The following STIM2 variants were observed in gnomAD, a reference collection of about 807,000 sequenced individuals.
STIM2 encodes stromal interaction molecule 2.
STIM2 carries 31 observed loss-of-function variants against 85.8 expected under a neutral mutation model. The observed-to-expected ratio is 0.36, with a 90% CI of 0.27 to 0.49. STIM2 has a LOEUF of 0.49. STIM2 is among the 20% of genes least tolerant of loss of function. STIM2 has a pLI of 0.98. For missense variants in STIM2, 841 were observed against 927.6 expected, an observed-to-expected ratio of 0.91 and a Z score of 1.21; for synonymous variants, 356 against 331.1, an observed-to-expected ratio of 1.08 and a Z score of -0.82.
In STIM2 at chr4:27,003,165, A is replaced by G. The variant is rs536162533; in HGVS notation, c.981+61A>G. ...GTTAACATTGCCACTCTGAGGAGCCAGGTCCTGTTTTTCTTCAGTTTCCTA... is the reference window on the plus strand; with the variant it reads ...GTTAACATTGCCACTCTGAGGAGCCGGGTCCTGTTTTTCTTCAGTTTCCTA... On this transcript the variant is annotated intron_variant, in intron 7 of 11. Transcript: ENST00000467087. 1,489 of 1,480,658 alleles carry G rather than the reference A, an allele frequency of 1.0e-3. 1 individual carries two copies. The highest frequency in any genetic ancestry group is 1.3e-3 in the South Asian group (91 of 71,304). 91.7% of individuals were successfully genotyped at this position (1,480,658 alleles called of 1,614,324 possible). A position where few individuals can be genotyped will look rare whatever the true frequency, so the allele number is the denominator to read the frequency against.
chr4:27,011,075 A>G (rs910515413), intron 10 of STIM2, among the ~76,000 whole-genome samples: 1 of 152,194 alleles, frequency 6.6e-6, no homozygotes, highest in African/African-American at 2.4e-5. Flanking sequence ...TTTCTCTGAA[A>G]TAAACTATTA....
intron 1 of STIM2, among the ~76,000 whole-genome samples, chr4:26,863,711 G>A (rs775544406): frequency 2.6e-5 from 4 of 152,092 alleles, no homozygotes; most frequent in Non-Finnish European, 4.4e-5. Context: ...AGATGGAGTA[G>A]AGCATCAGTA....
intron 1 of STIM2, among the ~76,000 whole-genome samples, chr4:26,877,507 C>T (rs186915968): frequency 9.4e-5 from 14 of 149,326 alleles, no homozygotes; most frequent in African/African-American, 3.0e-4. Flanking sequence ...TATCTCTTGA[C>T]GATGGGTTGT....
At chr4:26,961,365 T>G (rs953678533) in intron 3 of STIM2, among the ~76,000 whole-genome samples, 2 of 152,220 alleles carry the variant, frequency 1.3e-5, no homozygotes, top group Non-Finnish European at 2.9e-5. Flanking sequence ...ATACCATGTT[T>G]GGAAAAGTCA....
At chr4:26,938,864 C>G (rs1312208022) in intron 2 of STIM2, among the ~76,000 whole-genome samples, 1 of 152,112 alleles carries the variant, frequency 6.6e-6, no homozygotes, top group East Asian at 1.9e-4. Flanking sequence ...TCCAACTGTT[C>G]CAACTACTGT....
intron 7 of STIM2, among the ~76,000 whole-genome samples, chr4:27,006,755 T>C (rs1286443161): frequency 6.6e-6 from 1 of 152,210 alleles, no homozygotes; most frequent in Non-Finnish European, 1.5e-5. Context: ...AGAAATACTA[T>C]GACATCGTTA....
Position 26,973,749 on chromosome 4 carries a change from T to G in STIM2, c.397+16023T>G, listed in dbSNP as rs551229160. Among the ~76,000 whole-genome samples the G allele has an allele frequency of 6.6e-5, 10 of 152,318 alleles. No individual in the cohort carries two copies. In the East Asian group the frequency reaches 1.9e-3, roughly 29 times the overall value. ...GCTGGAGAGTTCTGTAGATGTCTATTAGGTCCGCTTGGTGCAGAGCTGAGT... is the reference window on the plus strand; with the variant it reads ...GCTGGAGAGTTCTGTAGATGTCTATGAGGTCCGCTTGGTGCAGAGCTGAGT... On this transcript the variant is annotated intron_variant, in intron 3 of 11. Transcript: ENST00000467087.
In STIM2 at chr4:26,933,902, G is replaced by A. The variant is rs543466269; in HGVS notation, c.282+14268G>A. Among the ~76,000 whole-genome samples the A allele has an allele frequency of 3.9e-5, 6 of 151,976 alleles. No individual in the cohort carries two copies. The South Asian group carries it at 6.2e-4, about 16-fold the overall frequency. On this transcript the variant is annotated intron_variant, in intron 2 of 11. Transcript: ENST00000467087. The stretch of plus-strand genomic sequence containing the variant: ...AATGTTACATGTTTTTAAAATACCC[G>A]CAAAAATACGGCTGGGTGCATTGGC...
In STIM2 at chr4:27,025,014, G is replaced by GC. The variant is rs963043757; in HGVS notation, c.*2019dup. On this transcript the variant is annotated 3_prime_UTR_variant, in exon 12 of 12. Coordinates refer to ENST00000467087, the MANE Select transcript of STIM2 (RefSeq NM_020860.4). ...AGAAGGGAGCTCTGGAGCAGGACCAGCTGGGGGCCGGCACTGCTGCTTAGA... is the reference window on the plus strand; with the variant it reads ...AGAAGGGAGCTCTGGAGCAGGACCAGCCTGGGGGCCGGCACTGCTGCTTAGA... 7.9e-5 allele frequency: 12 copies of GC among 152,202 alleles called. No homozygotes were observed. The highest frequency in any genetic ancestry group is 2.9e-4 in the African/African-American group (12 of 41,432). The allele number at this position is 152,202 out of a possible 1,614,324, so 9.4% of individuals were successfully genotyped here.
At chr4:26,879,024 C>CT (rs1418495460) in intron 1 of STIM2, among the ~76,000 whole-genome samples, 1 of 152,160 alleles carries the variant, frequency 6.6e-6, no homozygotes, top group Non-Finnish European at 1.5e-5. Context: ...TTATCACCAT[C>CT]TAACTTTTGA....
intron 1 of STIM2, among the ~76,000 whole-genome samples, chr4:26,866,106 C>G (rs1722400062): frequency 6.6e-6 from 1 of 152,026 alleles, no homozygotes; most frequent in Admixed American, 6.6e-5. Context: ...ATTTTAGTTA[C>G]CAACGATCTT....
intron 2 of STIM2, among the ~76,000 whole-genome samples, chr4:26,939,809 G>A (rs978536576): frequency 2.6e-5 from 4 of 152,080 alleles, no homozygotes; most frequent in Non-Finnish European, 5.9e-5. Context: ...TGAAGTTCTC[G>A]TTTATATATT....
chr4:26,908,587 G>A (rs1341473078), intron 1 of STIM2, among the ~76,000 whole-genome samples: 2 of 152,180 alleles, frequency 1.3e-5, no homozygotes, highest in African/African-American at 4.8e-5. Flanking sequence ...GGGTTCAAGC[G>A]ATTCTCCAGC....
At chr4:26,861,849 T>G (rs2109419090) in intron 1 of STIM2, among the ~76,000 whole-genome samples, 1 of 152,200 alleles carries the variant, frequency 6.6e-6, no homozygotes, top group East Asian at 1.9e-4. Context: ...CAGGGGAGCC[T>G]GCTAAAGGGG....
chr4:26,954,400 A>G (rs1334638682), intron 2 of STIM2, among the ~76,000 whole-genome samples: 1 of 125,808 alleles, frequency 7.9e-6, no homozygotes, highest in Non-Finnish European at 1.7e-5. Flanking sequence ...AATTGGGTGT[A>G]TTTACCAGGG....
intron 3 of STIM2, among the ~76,000 whole-genome samples, chr4:26,989,127 G>T (rs1433323718): frequency 6.6e-6 from 1 of 152,138 alleles, no homozygotes; most frequent in Non-Finnish European, 1.5e-5. Context: ...TAGAGACAGG[G>T]TTTTGCCATG....
intron 2 of STIM2, among the ~76,000 whole-genome samples, chr4:26,923,102 C>A (rs982771543): frequency 6.0e-5 from 9 of 151,004 alleles, no homozygotes; most frequent in African/African-American, 2.2e-4. Flanking sequence ...GGAGGCACCC[C>A]CCAGCAGGGG....
intron 1 of STIM2, among the ~76,000 whole-genome samples, chr4:26,901,812 C>T (rs1723929540): frequency 6.6e-6 from 1 of 152,034 alleles, no homozygotes; most frequent in Admixed American, 6.6e-5. Context: ...ACTTGGTGGT[C>T]TTTGTGAAAT....
intron 3 of STIM2, among the ~76,000 whole-genome samples, chr4:26,960,313 A>AGT (rs1161260787): frequency 2.0e-5 from 3 of 152,172 alleles, no homozygotes; most frequent in Non-Finnish European, 2.9e-5. Flanking sequence ...TATATACAAA[A>AGT]GTGTGTGTAT....
Sources: allele counts gnomAD v4.1 joint callset (sites outside exome capture counted in the v4.1 genomes callset), GRCh38; gene constraint gnomAD v4.1.1; transcripts MANE v1.5; gene names NCBI Gene and HGNC (gene_info 2026-07-23, HGNC 2026-07-21).